Variants in TECTA observed in about 807,000 individuals in gnomAD.
The protein encoded by TECTA is alpha-tectorin.
TECTA carries 128 observed loss-of-function variants against 216.8 expected under a neutral mutation model. The ratio of observed to expected loss-of-function variants is 0.59; its 90% CI spans 0.51 to 0.68. The LOEUF is 0.68. TECTA is among the 30% of genes least tolerant of loss of function. The pLI is 0.00. For missense variants in TECTA, 2,551 were observed against 2,786.2 expected, an observed-to-expected ratio of 0.92 and a Z score of 1.90; for synonymous variants, 1,089 against 1,117.1, an observed-to-expected ratio of 0.97 and a Z score of 0.50.
intron 10 of TECTA, among the ~76,000 whole-genome samples, chr11:121,135,340 C>T (rs983877920): frequency 1.3e-5 from 2 of 152,238 alleles, no homozygotes; most frequent in African/African-American, 4.8e-5. Context: ...AGTTCTATTA[C>T]TCCACGTCTG....
rs1446666699 is a variant in TECTA, at chr11:121,118,817, T to C, written c.1203+99T>C. ...ATCTACTGGTTCTGCTGTTTGTCTC[T>C]GTACAGTGCCAAAGAGATGCACAGC... is the stretch of plus-strand genomic sequence containing the variant. On this transcript the variant is annotated intron_variant, in intron 7 of 23. Transcript: ENST00000392793. 4.0e-6 allele frequency: 6 copies of C among 1,491,706 alleles called. No homozygotes were observed. The Admixed American group carries it at 1.0e-4, about 26-fold the overall frequency. The allele number at this position is 1,491,706 out of a possible 1,614,324, so 92.4% of individuals were successfully genotyped here.
chr11:121,155,183 G>A (rs1281332015), intron 13 of TECTA, among the ~76,000 whole-genome samples: 2 of 152,204 alleles, frequency 1.3e-5, no homozygotes, highest in Non-Finnish European at 2.9e-5. Context: ...TCACCCAGCT[G>A]TCATTGTCAT....
chr11:121,175,600 C>T (rs1375534787), intron 20 of TECTA, among the ~76,000 whole-genome samples: 2 of 152,106 alleles, frequency 1.3e-5, no homozygotes, highest in African/African-American at 4.8e-5. Context: ...CTGAGGAGAG[C>T]TTTACTTCCA....
Position 121,113,958 on chromosome 11 carries a change from G to A in TECTA, c.790+240G>A, listed in dbSNP as rs147382520. Reference sequence around the variant, plus strand: ...TTCTGGAGTGTGCACACAGTTATCCGTTCTGAACAACTCCGAAATGGACCA... The same window carrying A: ...TTCTGGAGTGTGCACACAGTTATCCATTCTGAACAACTCCGAAATGGACCA... On this transcript the variant is annotated intron_variant, in intron 6 of 23. Transcript: ENST00000392793. This position sits in a 1 kb window ranked among gnomAD's most constrained non-coding sequence, Gnocchi z 4.2. 1.1e-4 allele frequency among the ~76,000 whole-genome samples: 17 copies of A among 152,246 alleles called. No homozygotes were observed. Among genetic ancestry groups the A allele is most frequent in the African/African-American group, 3.1e-4 (13 of 41,544 alleles).
chr11:121,115,084 C>T (rs1946488603), intron 6 of TECTA, among the ~76,000 whole-genome samples: 1 of 115,332 alleles, frequency 8.7e-6, no homozygotes, highest in Non-Finnish European at 1.8e-5. Flanking sequence ...CATTCACCCA[C>T]CCATCCATTT....
At chr11:121,121,762 A>G (rs572018027) in intron 7 of TECTA, among the ~76,000 whole-genome samples, 26 of 152,274 alleles carry the variant, frequency 1.7e-4, no homozygotes, top group African/African-American at 5.3e-4. Flanking sequence ...TTGGGACACA[A>G]TAAGACTTTG....
At chr11:121,150,620 A>G (rs1050067232) in intron 12 of TECTA, among the ~76,000 whole-genome samples, 3 of 151,730 alleles carry the variant, frequency 2.0e-5, no homozygotes, top group African/African-American at 7.3e-5. Flanking sequence ...AACACATATG[A>G]CATACCACAA....
At chr11:121,165,934 A>G (rs1408350834) in intron 17 of TECTA, among the ~76,000 whole-genome samples, 1 of 152,326 alleles carries the variant, frequency 6.6e-6, no homozygotes, top group East Asian at 1.9e-4. Context: ...CCTGAACCAA[A>G]TAACGCAGAG....
intron 6 of TECTA, among the ~76,000 whole-genome samples, chr11:121,117,266 C>T (rs1591439406): frequency 1.3e-5 from 2 of 152,110 alleles, no homozygotes; most frequent in African/African-American, 4.8e-5. Context: ...ACAGCAGTAT[C>T]CACATTTTAC....
intron 21 of TECTA, among the ~76,000 whole-genome samples, chr11:121,188,208 G>A (rs568764318): frequency 2.0e-5 from 3 of 152,288 alleles, no homozygotes; most frequent in African/African-American, 4.8e-5. Context: ...TTGGCTTAAC[G>A]CTAGACTAGG....
At chr11:121,167,349 A>G (rs927645672) in intron 18 of TECTA, among the ~76,000 whole-genome samples, 4 of 152,218 alleles carry the variant, frequency 2.6e-5, no homozygotes, top group African/African-American at 9.6e-5. Context: ...TGGGAGGATC[A>G]TAAGCCCAGG....
chr11:121,102,800 G>A, intron 2 of TECTA, 71 bp downstream of exon 2: 2 of 1,352,834 alleles, frequency 1.5e-6, no homozygotes, highest in Non-Finnish European at 2.1e-6. Context: ...CACTTTTATT[G>A]GAACCACAAT....
intron 3 of TECTA, among the ~76,000 whole-genome samples, chr11:121,107,720 C>T (rs756454967): frequency 2.0e-5 from 3 of 152,164 alleles, no homozygotes; most frequent in Admixed American, 6.5e-5. Context: ...TGCAGATTCA[C>T]GCAGAGGCTG....
Position 121,125,312 on chromosome 11 carries a change from T to A in TECTA, c.1214T>A (p.Leu405Gln). The change falls in exon 8 of 24, where the codon CTA becomes CAA. Residue 405 changes from leucine to glutamine, a missense_variant. This residue lies in a region of TECTA where 2,375 missense variants were observed against 2,563.9 expected (regional missense o/e 0.93). Coordinates refer to ENST00000392793, the MANE Select transcript of TECTA (RefSeq NM_005422.4). ...TACTGTTGTTGGCAGGTTAATGACC[T>A]AGTGACTTCTTTGCCTGTCACCTTA... ...GSYGRVKVND[L>Q]VTSLPVTLDL... 1 of 1,613,456 alleles carries A rather than the reference T, an allele frequency of 6.2e-7. No individual in the cohort carries two copies.
At chr11:121,180,636 A>G (rs1591469917) in intron 20 of TECTA, among the ~76,000 whole-genome samples, 2 of 152,250 alleles carry the variant, frequency 1.3e-5, no homozygotes, top group East Asian at 1.9e-4. Context: ...TGAGCTTCCT[A>G]TATGTAGATG....
chr11:121,167,248 T>A (rs1305872821), intron 18 of TECTA, among the ~76,000 whole-genome samples: 2 of 152,148 alleles, frequency 1.3e-5, no homozygotes, highest in African/African-American at 4.8e-5. Flanking sequence ...CCAGGCAACA[T>A]CGCAAGACCC....
rs1319625176 is a variant in TECTA, at chr11:121,102,625, A to G, written c.-1-40A>G. On this transcript the variant is annotated intron_variant, in intron 1 of 23. Coordinates refer to ENST00000392793, the MANE Select transcript of TECTA (RefSeq NM_005422.4). ...ACCTGGTGTTCTGTTTACTCTGGCA[A>G]GCTGGGGATTTTTTTTTCATTTTCT... The G allele has an allele frequency of 1.9e-6, 3 of 1,546,018 alleles. No homozygotes were observed. The African/African-American group carries it at 4.1e-5, about 21-fold the overall frequency.
chr11:121,191,009 G>A lies in TECTA; in HGVS notation c.*203G>A, dbSNP rs114708454. On this transcript the variant is annotated 3_prime_UTR_variant, in exon 24 of 24. Transcript: ENST00000392793. ...AGAGTATGAAACGGGGCTTCTACAA[G>A]CCAGTTATGGAAAGTATCTCTCTTG... 3.4e-3 allele frequency: 1,724 copies of A among 500,212 alleles called. 26 individuals are homozygous for A. The highest frequency in any genetic ancestry group is 0.031 in the African/African-American group (1,586 of 51,350). The allele number at this position is 500,212 out of a possible 1,614,324, so 31.0% of individuals were successfully genotyped here.
At chr11:121,160,003 G>A (rs1490312910) in intron 14 of TECTA, 132 bp from the exon 15 acceptor site, 2 of 958,420 alleles carry the variant, frequency 2.1e-6, no homozygotes, top group East Asian at 2.5e-5. Flanking sequence ...ATGCTGCAGG[G>A]ACAGAATGGA....
Sources: allele counts gnomAD v4.1 joint callset (sites outside exome capture counted in the v4.1 genomes callset), GRCh38; gene constraint gnomAD v4.1.1; regional missense constraint gnomAD v4.1.1; non-coding constraint Gnocchi (gnomAD v3.1); transcripts MANE v1.5; gene names NCBI Gene and HGNC (gene_info 2026-07-23, HGNC 2026-07-21).